The following RNF216 variants were observed in gnomAD, a reference collection of about 807,000 sequenced individuals.
RNF216 encodes the protein ring finger protein 216.
A neutral mutation model predicts 110.8 loss-of-function variants in RNF216; 72 were observed. That is an observed-to-expected ratio of 0.65 (90% CI 0.54 to 0.79). RNF216 has a LOEUF of 0.79. RNF216 is among the 30% of genes least tolerant of loss of function. The pLI, the probability that RNF216 is intolerant of heterozygous loss-of-function variation, is 0.00. For synonymous variants in RNF216, 495 were observed against 407.5 expected, an observed-to-expected ratio of 1.21 and a Z score of -2.59; for missense variants, 1,342 against 1,141.2, an observed-to-expected ratio of 1.18 and a Z score of -2.54.
rs764867167 is a variant in RNF216, at chr7:5,652,550, G to A, written c.2062-40C>T. ...CAGACACAAAGACAACTCCTGGTGA[G>A]TGGACACCACAGAAGTTCCTGTTCA... On this transcript the variant is annotated intron_variant, in intron 13 of 16. Transcript: ENST00000389902. 1.6e-5 allele frequency: 22 copies of A among 1,336,660 alleles called. No individual in the cohort carries two copies. The South Asian group carries it at 2.1e-4, about 13-fold the overall frequency. The allele number at this position is 1,336,660 out of a possible 1,614,324, so 82.8% of individuals were successfully genotyped here.
At position 5,622,971 on chromosome 7, in the gene RNF216, G is replaced by A. The variant is rs368570210; in HGVS notation, c.2661C>T (p.Tyr887=). Residue 887 remains tyrosine (Y), a synonymous_variant, in exon 17 of 17, where the codon TAC becomes TAT. Transcript: ENST00000389902. ...CCCGCACGTTGGGCAGAGGGGGCAC[G>A]TACGGGGCTGGGATAGGCCCCATGT... ...PLNMGPIPAP[Y]VPPLPNVRVN... 2.5e-5 allele frequency: 41 copies of A among 1,613,960 alleles called. No individual in the cohort carries two copies. Among genetic ancestry groups the A allele is most frequent in the African/African-American group, 2.4e-4 (18 of 74,926 alleles).
chr7:5,661,604 A>T (rs1269866129), intron 13 of RNF216, among the ~76,000 whole-genome samples: 1 of 152,094 alleles, frequency 6.6e-6, no homozygotes, highest in East Asian at 1.9e-4. Flanking sequence ...GGAGTTTGAG[A>T]CCAGCCTGGC....
chr7:5,775,654 G>A (rs939247642), intron 1 of RNF216, among the ~76,000 whole-genome samples: 2 of 151,974 alleles, frequency 1.3e-5, no homozygotes, highest in Non-Finnish European at 2.9e-5. Context: ...TGGATTATTT[G>A]AGGTCAGGAG....
intron 5 of RNF216, among the ~76,000 whole-genome samples, chr7:5,734,981 T>C (rs1055831096): frequency 6.6e-6 from 1 of 151,694 alleles, no homozygotes; most frequent in African/African-American, 2.4e-5. Flanking sequence ...TGAAACCCTA[T>C]CTCTACTAAA....
At chr7:5,739,730 G>A in intron 4 of RNF216, 1 of 431,266 alleles carries the variant, frequency 2.3e-6, no homozygotes, top group Non-Finnish European at 4.7e-6. Context: ...GCCGGGTGCA[G>A]TGGCTCATGC....
At chr7:5,643,803 A>G (rs1182791322) in intron 14 of RNF216, among the ~76,000 whole-genome samples, 1 of 152,172 alleles carries the variant, frequency 6.6e-6, no homozygotes, top group African/African-American at 2.4e-5. Context: ...TAACCCCAAA[A>G]GGAAACCCTG....
At chr7:5,644,212 G>T in intron 14 of RNF216, among the ~76,000 whole-genome samples, 1 of 152,160 alleles carries the variant, frequency 6.6e-6, no homozygotes, top group Non-Finnish European at 1.5e-5. Context: ...GAGCGGAACT[G>T]CTGGGTCATA....
At chr7:5,742,920 C>T (rs1039133477) in intron 3 of RNF216, among the ~76,000 whole-genome samples, 1 of 152,006 alleles carries the variant, frequency 6.6e-6, no homozygotes, top group African/African-American at 2.4e-5. Flanking sequence ...CTTATACTAT[C>T]ATTTACTGCT....
intron 13 of RNF216, among the ~76,000 whole-genome samples, chr7:5,699,066 A>G (rs573071249): frequency 6.6e-6 from 1 of 152,280 alleles, no homozygotes; most frequent in South Asian, 2.1e-4. Flanking sequence ...TTTATTGTAG[A>G]AAATTTTAAA....
rs566774409 is a variant in RNF216, at chr7:5,686,282, ACTG to A, written c.2061+25476_2061+25478del. 3.7e-3 allele frequency among the ~76,000 whole-genome samples: 555 copies of A among 150,448 alleles called. 2 individuals carry two copies. Among genetic ancestry groups the A allele is most frequent in the African/African-American group, 0.013 (536 of 40,794 alleles). On this transcript the variant is annotated intron_variant, in intron 13 of 16. Coordinates refer to ENST00000389902, the MANE Select transcript of RNF216 (RefSeq NM_207111.4). The stretch of plus-strand genomic sequence containing the variant: ...GCTTCTCCAAACTCTCAAGAACACC[ACTG>A]CTGCCACGTGGTTTCTGTGGGGGCT...
chr7:5,752,364 T>C (rs1275987562), intron 3 of RNF216, among the ~76,000 whole-genome samples: 1 of 152,150 alleles, frequency 6.6e-6, no homozygotes, highest in Non-Finnish European at 1.5e-5. Flanking sequence ...ACAAAATTTG[T>C]TCTTGGTTAG....
At chr7:5,717,262 A>G (rs1258420686) in intron 9 of RNF216, among the ~76,000 whole-genome samples, 3 of 152,176 alleles carry the variant, frequency 2.0e-5, no homozygotes, top group Non-Finnish European at 4.4e-5. Context: ...CTGAAGCAGG[A>G]AGATTACTTG....
chr7:5,747,110 G>C (rs1446467762), intron 3 of RNF216, among the ~76,000 whole-genome samples: 1 of 152,160 alleles, frequency 6.6e-6, no homozygotes, highest in South Asian at 2.1e-4. Flanking sequence ...CTAACTCTGA[G>C]TTGCCTTTCT....
chr7:5,681,449 C>T (rs1790644457), intron 13 of RNF216, among the ~76,000 whole-genome samples: 1 of 152,240 alleles, frequency 6.6e-6, no homozygotes, highest in South Asian at 2.1e-4. Context: ...TTCTAAGCTT[C>T]TGGGAGGAAA....
intron 13 of RNF216, among the ~76,000 whole-genome samples, chr7:5,662,950 C>A (rs1047258476): frequency 6.6e-6 from 1 of 152,020 alleles, no homozygotes; most frequent in Non-Finnish European, 1.5e-5. Context: ...CAGGACAGAG[C>A]GCTCAGAGAA....
At position 5,730,762 on chromosome 7, in the gene RNF216, T is replaced by C. The variant is rs138509914; in HGVS notation, c.1177A>G (p.Ile393Val). 3.0e-4 allele frequency: 482 copies of C among 1,611,006 alleles called. No individual in the cohort carries two copies. Among genetic ancestry groups the C allele is most frequent in the Non-Finnish European group, 3.9e-4 (465 of 1,178,314 alleles). The change falls in exon 6 of 17, where the codon ATT becomes GTT. Residue 393 changes from isoleucine to valine, a missense_variant. Transcript: ENST00000389902. Reference sequence around the variant, plus strand: ...AGCAGACTGCTACTGGGATTTATAATGATTCTGTCTTCTCTCTTTGGATAA... The same window carrying C: ...AGCAGACTGCTACTGGGATTTATAACGATTCTGTCTTCTCTCTTTGGATAA... ...PDYPKREDRI[I>V]INPSSSLLAS... is the part of the protein sequence containing the mutation.
chr7:5,663,524 C>A, intron 13 of RNF216, among the ~76,000 whole-genome samples: 1 of 140,942 alleles, frequency 7.1e-6, no homozygotes, highest in Non-Finnish European at 1.5e-5. Context: ...GCGGAGCTTG[C>A]AGTGAGCTGA....
intron 13 of RNF216, among the ~76,000 whole-genome samples, chr7:5,663,008 A>G (rs1454115930): frequency 6.6e-6 from 1 of 152,132 alleles, no homozygotes; most frequent in Non-Finnish European, 1.5e-5. Context: ...CATTTTGCCT[A>G]AGAATATCTC....
intron 15 of RNF216, among the ~76,000 whole-genome samples, chr7:5,635,238 C>G (rs571032154): frequency 5.3e-5 from 8 of 151,800 alleles, no homozygotes; most frequent in African/African-American, 1.9e-4. Flanking sequence ...ATGAAGAAAC[C>G]GAGGTCAGTT....
Sources: allele counts gnomAD v4.1 joint callset (sites outside exome capture counted in the v4.1 genomes callset), GRCh38; gene constraint gnomAD v4.1.1; transcripts MANE v1.5; gene names NCBI Gene and HGNC (gene_info 2026-07-23, HGNC 2026-07-21).